The following BMPR1B variants were observed in gnomAD, a reference collection of about 807,000 sequenced individuals.
BMPR1B encodes the protein bone morphogenetic protein receptor type-1B.
A neutral mutation model predicts 59.1 loss-of-function variants in BMPR1B; 12 were observed. That is an observed-to-expected ratio of 0.20 (90% confidence interval 0.13 to 0.33). BMPR1B has a LOEUF of 0.33. BMPR1B is among the 10% of genes least tolerant of loss of function. The pLI is 1.00. For missense variants in BMPR1B, 550 were observed against 610.9 expected (o/e 0.90, Z 1.05); for synonymous variants, 237 against 207.3 (o/e 1.14, Z -1.23).
intron 3 of BMPR1B, among the ~76,000 whole-genome samples, chr4:95,048,386 C>A (rs1578989358): frequency 6.6e-6 from 1 of 152,148 alleles, no homozygotes; most frequent in Non-Finnish European, 1.5e-5. Flanking sequence ...AAACTGCTTT[C>A]CACAGTGGCT....
chr4:95,087,947 TC>T (rs1729710659), intron 3 of BMPR1B, among the ~76,000 whole-genome samples: 3 of 152,154 alleles, frequency 2.0e-5, no homozygotes, highest in Admixed American at 1.3e-4. Flanking sequence ...ACTTTGAACT[TC>T]AAAGTAGTGT....
chr4:95,039,557 TA>T (rs967311098), intron 3 of BMPR1B, among the ~76,000 whole-genome samples: 2 of 152,052 alleles, frequency 1.3e-5, no homozygotes, highest in Non-Finnish European at 2.9e-5. Flanking sequence ...CTATTTCTCA[TA>T]AAAAACAAAT....
intron 2 of BMPR1B, among the ~76,000 whole-genome samples, chr4:94,919,057 A>G (rs1018214459): frequency 1.3e-5 from 2 of 152,088 alleles, no homozygotes; most frequent in African/African-American, 4.8e-5. Context: ...TTTGCCTTTA[A>G]TGTTGAAGAT....
intron 10 of BMPR1B, among the ~76,000 whole-genome samples, chr4:95,138,401 T>A (rs1560685369): frequency 6.6e-6 from 1 of 152,166 alleles, no homozygotes; most frequent in Admixed American, 6.5e-5. Flanking sequence ...TTGCTCTTCT[T>A]GAGGAGTATC....
chr4:94,968,998 G>A (rs185057835), intron 2 of BMPR1B, among the ~76,000 whole-genome samples: 2 of 151,948 alleles, frequency 1.3e-5, no homozygotes, highest in African/African-American at 2.4e-5. Context: ...CCAGAAGTTA[G>A]ATAGGCATAG....
At chr4:94,983,668 G>A (rs1431425050) in intron 2 of BMPR1B, among the ~76,000 whole-genome samples, 2 of 152,170 alleles carry the variant, frequency 1.3e-5, no homozygotes, top group Non-Finnish European at 2.9e-5. Context: ...TTACCACAGT[G>A]TCCCATATTA....
chr4:95,105,762 C>T (rs1432612094), intron 4 of BMPR1B, among the ~76,000 whole-genome samples: 1 of 151,806 alleles, frequency 6.6e-6, no homozygotes, highest in Non-Finnish European at 1.5e-5. Flanking sequence ...ATTTTTTTGC[C>T]AAGGTAAAAC....
intron 2 of BMPR1B, among the ~76,000 whole-genome samples, chr4:94,889,199 G>A (rs1359510470): frequency 6.6e-6 from 1 of 151,884 alleles, no homozygotes; most frequent in East Asian, 1.9e-4. Flanking sequence ...ATCTAAAAGG[G>A]AACTTAATGG....
chr4:94,834,904 A>C (rs1206663004), intron 1 of BMPR1B, among the ~76,000 whole-genome samples: 1 of 151,136 alleles, frequency 6.6e-6, no homozygotes, highest in African/African-American at 2.4e-5. Flanking sequence ...TGAGGTTGTC[A>C]TTAAAACTTC....
At chr4:94,947,427 A>G (rs974980852) in intron 2 of BMPR1B, among the ~76,000 whole-genome samples, 3 of 152,208 alleles carry the variant, frequency 2.0e-5, no homozygotes, top group African/African-American at 4.8e-5. Flanking sequence ...GGCAAGGAAT[A>G]GCCCATCTTA....
rs141296678 is a variant in BMPR1B at position 95,014,099 on chromosome 4, T to G, written c.-18+17965T>G. Among the ~76,000 whole-genome samples, 524 of 152,308 alleles carry G rather than the reference T, an allele frequency of 3.4e-3. 3 individuals are homozygous for G. Among genetic ancestry groups the G allele is most frequent in the African/African-American group, 0.012 (498 of 41,576 alleles). On this transcript the variant is annotated intron_variant, in intron 3 of 12. Coordinates refer to ENST00000515059, the MANE Select transcript of BMPR1B (RefSeq NM_001203.3). ...CTGTTTATCTGGTGCTTACAGTGGTTGTCTGACAGGTTTAAGTCCTAAATA... is the reference window on the plus strand; with the variant it reads ...CTGTTTATCTGGTGCTTACAGTGGTGGTCTGACAGGTTTAAGTCCTAAATA...
intron 11 of BMPR1B, 147 bp downstream of exon 11, chr4:95,149,070 A>C: frequency 9.6e-7 from 1 of 1,045,900 alleles, no homozygotes; most frequent in Non-Finnish European, 1.4e-6. Flanking sequence ...TAGTGCTTCC[A>C]GGAAATTATA....
At chr4:95,042,141 C>T (rs995884961) in intron 3 of BMPR1B, among the ~76,000 whole-genome samples, 10 of 152,222 alleles carry the variant, frequency 6.6e-5, no homozygotes, top group Admixed American at 6.5e-4. Context: ...CAGGCGTGAG[C>T]CACCATGCCC....
intron 1 of BMPR1B, among the ~76,000 whole-genome samples, chr4:94,847,976 C>T (rs1725406567): frequency 6.6e-6 from 1 of 152,074 alleles, no homozygotes; most frequent in Admixed American, 6.6e-5. Context: ...TTGGTTACCT[C>T]ATTTACCCTG....
intron 3 of BMPR1B, among the ~76,000 whole-genome samples, chr4:95,071,652 GTATATATATATA>G (rs58148216): frequency 1.2e-5 from 1 of 84,342 alleles, no homozygotes; most frequent in African/African-American, 4.2e-5. Context: ...GTGTGTGTGT[GTATATATATATA>G]TATATATATA....
intron 2 of BMPR1B, among the ~76,000 whole-genome samples, chr4:94,930,820 T>G (rs1325238491): frequency 6.6e-6 from 1 of 152,154 alleles, no homozygotes; most frequent in African/African-American, 2.4e-5. Context: ...TGCAAAAATT[T>G]TCAAGGCATC....
Position 94,903,514 on chromosome 4 carries a change from CT to C in BMPR1B, c.-113+27627del, listed in dbSNP as rs374791371. 3.1e-3 allele frequency among the ~76,000 whole-genome samples: 432 copies of C among 139,044 alleles called. 6 individuals are homozygous for C. In the East Asian group the frequency reaches 0.043, roughly 14 times the overall value. The allele number at this position is 139,044 out of a possible 152,430, so 91.2% of individuals were successfully genotyped here. On this transcript the variant is annotated intron_variant, in intron 2 of 12. Transcript: ENST00000515059. ...TTCTTGTAAAGTTGTATATTACTTA[CT>C]TTTTTTTTTTTTAAAAAGACAATCT...
intron 2 of BMPR1B, among the ~76,000 whole-genome samples, chr4:94,967,186 T>C (rs908463096): frequency 5.3e-5 from 8 of 152,194 alleles, no homozygotes; most frequent in Non-Finnish European, 1.2e-4. Context: ...TATTTTTATA[T>C]AAGAAAGCCT....
At chr4:95,088,894 T>G (rs994749551) in intron 3 of BMPR1B, among the ~76,000 whole-genome samples, 1 of 152,152 alleles carries the variant, frequency 6.6e-6, no homozygotes. Context: ...GCTGAGTTTT[T>G]ACATAGAAGA....
Sources: allele counts gnomAD v4.1 joint callset (sites outside exome capture counted in the v4.1 genomes callset), GRCh38; gene constraint gnomAD v4.1.1; transcripts MANE v1.5; gene names NCBI Gene and HGNC (gene_info 2026-07-23, HGNC 2026-07-21).